Variants in BATF3 observed in about 807,000 individuals in gnomAD.
BATF3 encodes the protein basic leucine zipper ATF-like transcription factor 3, also known as basic leucine zipper transcriptional factor ATF-like 3.
In BATF3, 8 loss-of-function variants were observed where a neutral mutation model predicts 16.1. That is an observed-to-expected ratio of 0.50 (90% CI 0.29 to 0.90). BATF3 has a LOEUF of 0.90. Among genes scored for constraint, BATF3 ranks in the 40% least tolerant of loss-of-function variants. The probability of loss-of-function intolerance (pLI) is 0.08; values close to 1 mark genes in which losing one functional copy is unlikely to be tolerated. For missense variants in BATF3, 139 were observed against 167.0 expected (o/e 0.83, Z 0.92); for synonymous variants, 74 against 72.7 (o/e 1.02, Z -0.09).
intron 2 of BATF3, among the ~76,000 whole-genome samples, chr1:212,690,261 G>A (rs547325220): frequency 6.6e-6 from 1 of 152,284 alleles, no homozygotes; most frequent in South Asian, 2.1e-4. Flanking sequence ...GCAGCAAGAC[G>A]CTCTGAGCTT....
In BATF3 at chr1:212,686,604, G is replaced by T; in HGVS notation, c.*187C>A. The stretch of plus-strand genomic sequence containing the variant: ...CATGCTGGATCTGCACAAGGGCTCT[G>T]TGAGTTTGGCGCCTGTTGGATGTCG... On this transcript the variant is annotated 3_prime_UTR_variant, in exon 3 of 3. Transcript: ENST00000243440. The T allele has an allele frequency of 2.1e-6, 2 of 969,762 alleles. No individual in the cohort carries two copies. Among genetic ancestry groups the T allele is most frequent in the Non-Finnish European group, 2.9e-6 (2 of 679,272 alleles). 60.1% of individuals were successfully genotyped at this position (969,762 alleles called of 1,614,324 possible).
Position 212,696,449 on chromosome 1 carries a change from TACAC to T in BATF3, c.195+508_195+511del, listed in dbSNP as rs1028842565. Among the ~76,000 whole-genome samples, 5 of 149,640 alleles carry T rather than the reference TACAC, an allele frequency of 3.3e-5. No individual in the cohort carries two copies. In the East Asian group the frequency reaches 9.9e-4, roughly 30 times the overall value. ...GTGTGTGTGTGTGTGTGTGTGTGTG[TACAC>T]ACACACATTGGGTACATGTGTGAAT... On this transcript the variant is annotated intron_variant, in intron 2 of 2. Transcript: ENST00000243440.
chr1:212,699,717 C>G lies in BATF3; in HGVS notation c.46G>C (p.Val16Leu). 1 of 1,346,180 alleles carries G rather than the reference C, an allele frequency of 7.4e-7. No homozygotes were observed. The highest frequency in any genetic ancestry group is 9.6e-7 in the Non-Finnish European group (1 of 1,043,702). The allele number at this position is 1,346,180 out of a possible 1,614,324, so 83.4% of individuals were successfully genotyped here. A position where few individuals can be genotyped will look rare whatever the true frequency, so the allele number is the denominator to read the frequency against. Residue 16 changes from valine (V) to leucine (L), a missense_variant, in exon 1 of 3, where the codon GTC (valine) becomes CTC (leucine). Val to Leu is a conservative substitution (Grantham distance 32). Coordinates refer to ENST00000243440, the MANE Select transcript of BATF3 (RefSeq NM_018664.3). The surrounding 1 kb of genome is among the most constrained non-coding windows in gnomAD (Gnocchi z 4.4). ...PAAGSVLQRS[V>L]AAPGNQPQPQ... is the part of the protein sequence containing the mutation. ...TGCGGCTGGTTCCCGGGCGCCGCGA[C>G]GCTCCTCTGCAGGACGCTGCCGGCG...
intron 2 of BATF3, among the ~76,000 whole-genome samples, chr1:212,695,837 G>A (rs554463954): frequency 1.9e-4 from 29 of 152,300 alleles, no homozygotes; most frequent in African/African-American, 6.0e-4. Context: ...GCATGAGGGC[G>A]GAGGGAAAAG....
intron 1 of BATF3, chr1:212,698,385 G>A (rs1054024088): frequency 4.6e-5 from 7 of 152,164 alleles, no homozygotes; most frequent in African/African-American, 1.7e-4. Context: ...CTTTCAATAT[G>A]TATTAACTGA....
chr1:212,699,817 G>T lies in BATF3; in HGVS notation c.-55C>A. 1 of 1,066,062 alleles carries T rather than the reference G, an allele frequency of 9.4e-7. No homozygotes were observed. The highest frequency in any genetic ancestry group is 4.6e-5 in the South Asian group (1 of 21,580). 66.0% of individuals were successfully genotyped at this position (1,066,062 alleles called of 1,614,324 possible). A position where few individuals can be genotyped will look rare whatever the true frequency, so the allele number is the denominator to read the frequency against. On this transcript the variant is annotated 5_prime_UTR_variant, in exon 1 of 3. Transcript: ENST00000243440. This position sits in a 1 kb window ranked among gnomAD's most constrained non-coding sequence, Gnocchi z 4.4. ...CGCCCCGCCCGCGCGCCCTGCCCGT[G>T]GGGCTGCCTACGGGCGCTGTCCCGC...
chr1:212,693,527 G>C (rs925975622), intron 2 of BATF3, among the ~76,000 whole-genome samples: 1 of 152,192 alleles, frequency 6.6e-6, no homozygotes, highest in Non-Finnish European at 1.5e-5. Context: ...CACAGAGAGA[G>C]AGGAGAAGGG....
chr1:212,687,040 T>C (rs1656865511), intron 2 of BATF3, 61 bp from the exon 3 acceptor site: 3 of 1,065,094 alleles, frequency 2.8e-6, no homozygotes, highest in South Asian at 2.5e-5. Flanking sequence ...TCCGTCCTCC[T>C]GTGCCGCGCT....
In BATF3 at chr1:212,699,513, C is replaced by T. The variant is rs939548074; in HGVS notation, c.90+160G>A. On this transcript the variant is annotated intron_variant, in intron 1 of 2. Coordinates refer to ENST00000243440, the MANE Select transcript of BATF3 (RefSeq NM_018664.3). The surrounding 1 kb of genome is among the most constrained non-coding windows in gnomAD (Gnocchi z 4.4). ...AGGGTCCCTGGATCGCCCCCATTCC[C>T]CAACATCCCTACGCCCCTACCTCTG... is the stretch of plus-strand genomic sequence containing the variant. Among the ~76,000 whole-genome samples the T allele has an allele frequency of 6.6e-6, 1 of 152,048 alleles. No individual in the cohort carries two copies. Among genetic ancestry groups the T allele is most frequent in the African/African-American group, 2.4e-5 (1 of 41,416 alleles).
intron 2 of BATF3, among the ~76,000 whole-genome samples, chr1:212,691,128 G>A (rs182691131): frequency 1.3e-5 from 2 of 152,260 alleles, no homozygotes; most frequent in South Asian, 2.1e-4. Context: ...TGGGATCAAC[G>A]GGCTGCCTAG....
chr1:212,699,187 G>A lies in BATF3; in HGVS notation c.90+486C>T, dbSNP rs1381146036. ...CAAAGGGTTTCCACCAGCTGGGGGCGGAGTCGGCCCTTTGTGGGTTCCCTC... is the reference window on the plus strand; with the variant it reads ...CAAAGGGTTTCCACCAGCTGGGGGCAGAGTCGGCCCTTTGTGGGTTCCCTC... On this transcript the variant is annotated intron_variant, in intron 1 of 2. Transcript: ENST00000243440. The surrounding 1 kb of genome is among the most constrained non-coding windows in gnomAD (Gnocchi z 4.4). 6.6e-6 allele frequency among the ~76,000 whole-genome samples: 1 copy of A among 152,236 alleles called. No individual in the cohort carries two copies. The highest frequency in any genetic ancestry group is 1.5e-5 in the Non-Finnish European group (1 of 68,042).
At chr1:212,691,681 T>G (rs1657002671) in intron 2 of BATF3, among the ~76,000 whole-genome samples, 1 of 152,252 alleles carries the variant, frequency 6.6e-6, no homozygotes, top group Non-Finnish European at 1.5e-5. Flanking sequence ...GCCCAAGTCA[T>G]TTGTCAGTTT....
chr1:212,696,911 A>G, intron 2 of BATF3, 50 bp downstream of exon 2: 1 of 1,398,940 alleles, frequency 7.1e-7, no homozygotes, highest in Non-Finnish European at 1.0e-6. Flanking sequence ...CTCCCGTGCA[A>G]GGCAGAGGCT....
chr1:212,699,819 G>A lies in BATF3; in HGVS notation c.-57C>T, dbSNP rs1431565263. ...CCCCGCCCGCGCGCCCTGCCCGTGG[G>A]GCTGCCTACGGGCGCTGTCCCGCCG... On this transcript the variant is annotated 5_prime_UTR_variant, in exon 1 of 3. Transcript: ENST00000243440. The surrounding 1 kb of genome is among the most constrained non-coding windows in gnomAD (Gnocchi z 4.4). 1.2e-5 allele frequency: 13 copies of A among 1,081,578 alleles called. No individual in the cohort carries two copies. The highest frequency in any genetic ancestry group is 1.5e-5 in the Non-Finnish European group (13 of 879,900). The allele number at this position is 1,081,578 out of a possible 1,614,324, so 67.0% of individuals were successfully genotyped here. A position where few individuals can be genotyped will look rare whatever the true frequency, so the allele number is the denominator to read the frequency against.
intron 2 of BATF3, among the ~76,000 whole-genome samples, chr1:212,693,050 G>A (rs1432311306): frequency 2.0e-5 from 3 of 152,322 alleles, no homozygotes; most frequent in Middle Eastern, 3.4e-3. Context: ...GGGGTCCCAA[G>A]GGGCTTTCTG....
In BATF3 at chr1:212,699,677, T is replaced by TGCTGCGGCTGCG. The variant is rs950747373; in HGVS notation, c.74_85dup (p.Pro25_Gln28dup). 1 of 1,340,870 alleles carries TGCTGCGGCTGCG rather than the reference T, an allele frequency of 7.5e-7. No homozygotes were observed. Among genetic ancestry groups the TGCTGCGGCTGCG allele is most frequent in the African/African-American group, 1.5e-5 (1 of 65,652 alleles). 83.1% of individuals were successfully genotyped at this position (1,340,870 alleles called of 1,614,324 possible). On this transcript the variant is annotated inframe_insertion, in exon 1 of 3. Transcript: ENST00000243440. This position sits in a 1 kb window ranked among gnomAD's most constrained non-coding sequence, Gnocchi z 4.4. ...CCTGAGCCTCTCGCCCTCTACCTGC[T>TGCTGCGGCTGCG]GCTGCGGCTGCGGCTGCGGCTGGTT... is the stretch of plus-strand genomic sequence containing the variant.
chr1:212,686,728 A>T lies in BATF3; in HGVS notation c.*63T>A, dbSNP rs918365595. On this transcript the variant is annotated 3_prime_UTR_variant, in exon 3 of 3. Transcript: ENST00000243440. ...CCCCTGTATACAATTGTGAAGGAAA[A>T]GCCTTCCTCCCAGGTATGAAAATGA... 1 of 1,542,526 alleles carries T rather than the reference A, an allele frequency of 6.5e-7. No homozygotes were observed. The highest frequency in any genetic ancestry group is 1.4e-5 in the African/African-American group (1 of 73,540).
At chr1:212,694,177 A>T (rs1657071091) in intron 2 of BATF3, among the ~76,000 whole-genome samples, 1 of 152,214 alleles carries the variant, frequency 6.6e-6, no homozygotes, top group Admixed American at 6.5e-5. Flanking sequence ...AGCTGGGAAA[A>T]GCAAGAAAAC....
In BATF3 at chr1:212,689,589, G is replaced by A. The variant is rs886338174; in HGVS notation, c.196-2610C>T. ...CTACAAATCCAGCCATAAGCTCTCC[G>A]TGGGCAAGGGGAGAGTCTGGATGGG... On this transcript the variant is annotated intron_variant, in intron 2 of 2. Transcript: ENST00000243440. This position sits in a 1 kb window ranked among gnomAD's most constrained non-coding sequence, Gnocchi z 4.6. 2.0e-5 allele frequency among the ~76,000 whole-genome samples: 3 copies of A among 152,118 alleles called. No individual in the cohort carries two copies. The highest frequency in any genetic ancestry group is 1.9e-4 in the East Asian group (1 of 5,194).
Sources: gnomAD v4.1 joint callset for allele counts (sites outside exome capture counted in the v4.1 genomes callset) on GRCh38, gnomAD v4.1.1 for gene constraint, Gnocchi (gnomAD v3.1) non-coding constraint, MANE v1.5 for transcripts, NCBI Gene and HGNC (gene_info 2026-07-23, HGNC 2026-07-21) for gene names.